The following THRB variants were observed in gnomAD, a reference collection of about 807,000 sequenced individuals.
THRB encodes the protein thyroid hormone receptor beta.
THRB carries 12 observed loss-of-function variants against 47.8 expected under a neutral mutation model. That is an observed-to-expected ratio of 0.25 (90% CI 0.16 to 0.41). The LOEUF (loss-of-function observed/expected upper bound fraction) is 0.41, where lower values mean the gene tolerates loss of function less well. Ranked by LOEUF, THRB falls within the 10% of genes least tolerant of loss-of-function variation. THRB has a pLI of 1.00. For missense variants in THRB, 348 were observed against 589.2 expected (o/e 0.59, Z 4.24); for synonymous variants, 218 against 212.2 (o/e 1.03, Z -0.24).
intron 4 of THRB, among the ~76,000 whole-genome samples, chr3:24,218,874 C>A (rs2046881606): frequency 6.6e-6 from 1 of 152,106 alleles, no homozygotes; most frequent in Admixed American, 6.6e-5. Flanking sequence ...GAAGTCCTCT[C>A]ATTTATTTAA....
intron 6 of THRB, among the ~76,000 whole-genome samples, chr3:24,150,653 A>G (rs1214922012): frequency 6.6e-6 from 1 of 152,178 alleles, no homozygotes; most frequent in African/African-American, 2.4e-5. Context: ...CTCTTTGTTT[A>G]AGTCAGTCAC....
At chr3:24,152,270 A>C in intron 6 of THRB, 120 bp downstream of exon 6, 1 of 659,032 alleles carries the variant, frequency 1.5e-6, no homozygotes. Flanking sequence ...ATGATCACAG[A>C]CCATGGATGT....
intron 5 of THRB, 140 bp from the exon 6 acceptor site, chr3:24,152,630 C>A (rs554856866): frequency 3.0e-6 from 2 of 666,270 alleles, no homozygotes; most frequent in Non-Finnish European, 5.5e-6. Context: ...TGAAACCAAA[C>A]GGTAAGAATT....
intron 4 of THRB, among the ~76,000 whole-genome samples, chr3:24,201,608 G>A (rs2044607046): frequency 6.6e-6 from 1 of 152,054 alleles, no homozygotes; most frequent in South Asian, 2.1e-4. Flanking sequence ...AATGTTGGTG[G>A]GATTTAACAT....
chr3:24,350,122 C>T (rs765310098), intron 1 of THRB, among the ~76,000 whole-genome samples: 32 of 151,950 alleles, frequency 2.1e-4, no homozygotes, highest in Non-Finnish European at 3.5e-4. Flanking sequence ...AAAAAGTGCT[C>T]GACCTCATTA....
intron 1 of THRB, among the ~76,000 whole-genome samples, chr3:24,361,018 A>T (rs1405305300): frequency 1.3e-5 from 2 of 152,156 alleles, no homozygotes; most frequent in African/African-American, 2.4e-5. Context: ...GATGGTTGCT[A>T]TGGAGAAATT....
intron 1 of THRB, among the ~76,000 whole-genome samples, chr3:24,450,272 A>T (rs1386554975): frequency 6.6e-6 from 1 of 152,226 alleles, no homozygotes; most frequent in Non-Finnish European, 1.5e-5. Context: ...TAAGGACTAC[A>T]CACTCAAAAA....
chr3:24,366,206 T>C (rs188327860), intron 1 of THRB, among the ~76,000 whole-genome samples: 1 of 152,316 alleles, frequency 6.6e-6, no homozygotes, highest in African/African-American at 2.4e-5. Context: ...CTATGGTACT[T>C]ATAGCTATCA....
intron 1 of THRB, chr3:24,455,283 T>G (rs2362182): frequency 6.6e-6 from 1 of 152,066 alleles, no homozygotes; most frequent in African/African-American, 2.4e-5. Flanking sequence ...GAATTTGATT[T>G]TGAATTCTCT....
chr3:24,390,814 A>G (rs1409219561), intron 1 of THRB, among the ~76,000 whole-genome samples: 1 of 146,690 alleles, frequency 6.8e-6, no homozygotes, highest in Non-Finnish European at 1.5e-5. Flanking sequence ...ATATATATAT[A>G]ATATTATTTT....
chr3:24,303,149 A>AGAGATCC (rs11282198), intron 2 of THRB, among the ~76,000 whole-genome samples: 3,996 of 152,332 alleles, frequency 0.026, 168 homozygotes, highest in African/African-American at 0.09. Context: ...TGATGGAAGC[A>AGAGATCC]GAGATCCTTA....
Position 24,370,030 on chromosome 3 carries a change from TGCTAG to T in THRB, c.-260-32664_-260-32660del, listed in dbSNP as rs1221617625. On this transcript the variant is annotated intron_variant, in intron 1 of 10. Transcript: ENST00000646209. ...TTATTAAAAGATAAGTATTAAAAGATGCTAGTTTGGAGATGAAATATATGTTACTA... is the reference window on the plus strand; with the variant it reads ...TTATTAAAAGATAAGTATTAAAAGATTTTGGAGATGAAATATATGTTACTA... 4.7e-4 allele frequency among the ~76,000 whole-genome samples: 72 copies of T among 152,276 alleles called. 1 individual carries two copies. The East Asian group carries it at 0.013, about 28-fold the overall frequency.
chr3:24,447,513 A>C lies in THRB; in HGVS notation c.-261+47139T>G, dbSNP rs562677268. Among the ~76,000 whole-genome samples, 84 of 152,258 alleles carry C rather than the reference A, an allele frequency of 5.5e-4. 2 individuals carry two copies. In the South Asian group the frequency reaches 0.012, roughly 23 times the overall value. ...ATCGTGTCCTGTTAATATATTAATA[A>C]GTTCAATTGCCAGCTGTTCATTTTC... On this transcript the variant is annotated intron_variant, in intron 1 of 10. Transcript: ENST00000646209.
chr3:24,178,093 C>T (rs774716674), intron 5 of THRB, among the ~76,000 whole-genome samples: 18 of 151,998 alleles, frequency 1.2e-4, no homozygotes, highest in South Asian at 2.1e-4. Flanking sequence ...TGACATTCAC[C>T]TTTAGAGCAT....
At chr3:24,199,201 G>C (rs1302756589) in intron 4 of THRB, among the ~76,000 whole-genome samples, 1 of 152,188 alleles carries the variant, frequency 6.6e-6, no homozygotes, top group African/African-American at 2.4e-5. Context: ...GAACTCTGCT[G>C]CTTCACTCCT....
chr3:24,182,075 C>A (rs906528287), intron 5 of THRB, among the ~76,000 whole-genome samples: 9 of 152,098 alleles, frequency 5.9e-5, no homozygotes, highest in African/African-American at 1.7e-4. Flanking sequence ...GTGGCGGGCG[C>A]CTGTAGTCCC....
intron 1 of THRB, among the ~76,000 whole-genome samples, chr3:24,409,055 T>C (rs2068063996): frequency 6.6e-6 from 1 of 151,840 alleles, no homozygotes; most frequent in South Asian, 2.1e-4. Flanking sequence ...TTTGACACTT[T>C]CTATCATTTT....
chr3:24,295,297 T>G (rs1196602976), intron 3 of THRB, among the ~76,000 whole-genome samples: 4 of 152,214 alleles, frequency 2.6e-5, no homozygotes, highest in African/African-American at 9.7e-5. Flanking sequence ...GCATGTATAC[T>G]TCGAAGATGC....
At chr3:24,292,863 A>G (rs1439407032) in intron 3 of THRB, among the ~76,000 whole-genome samples, 1 of 152,240 alleles carries the variant, frequency 6.6e-6, no homozygotes, top group African/African-American at 2.4e-5. Context: ...ATCTTGGACT[A>G]TACAAAACAT....
Sources: gnomAD v4.1 joint callset for allele counts (sites outside exome capture counted in the v4.1 genomes callset) on GRCh38, gnomAD v4.1.1 for gene constraint, MANE v1.5 for transcripts, NCBI Gene and HGNC (gene_info 2026-07-23, HGNC 2026-07-21) for gene names.